PCDHGA1: variants seen among roughly 807,000 people sequenced by gnomAD.
The protein encoded by PCDHGA1 is protocadherin gamma-A1.
A neutral mutation model predicts 58.0 loss-of-function variants in PCDHGA1; 32 were observed. The observed-to-expected ratio is 0.55, with a 90% CI of 0.42 to 0.74. The LOEUF (loss-of-function observed/expected upper bound fraction) is 0.74, where lower values mean the gene tolerates loss of function less well. Among genes scored for constraint, PCDHGA1 ranks in the 30% least tolerant of loss-of-function variants. PCDHGA1 has a pLI of 0.00. For missense variants in PCDHGA1, 1,205 were observed against 1,182.3 expected, an observed-to-expected ratio of 1.02 and a Z score of -0.28; for synonymous variants, 498 against 501.1, an observed-to-expected ratio of 0.99 and a Z score of 0.08.
chr5:141,399,112 G>A, intron 1 of PCDHGA1: 1 of 1,613,794 alleles, frequency 6.2e-7, no homozygotes, highest in African/African-American at 1.3e-5. Context: ...ACAATGTACA[G>A]TTGAAATTAA....
chr5:141,497,187 G>T (rs1475463841), intron 2 of PCDHGA1, among the ~76,000 whole-genome samples: 2 of 139,586 alleles, frequency 1.4e-5, no homozygotes, highest in Non-Finnish European at 3.0e-5. Flanking sequence ...GTTCTGAGAG[G>T]CAGAGAACAA....
At chr5:141,345,626 G>C in intron 1 of PCDHGA1, 1 of 1,614,202 alleles carries the variant, frequency 6.2e-7, no homozygotes. Context: ...TAAAGCTACT[G>C]GTGACAGCCA....
At chr5:141,376,387 G>C (rs772638473) in intron 1 of PCDHGA1, 1 of 1,614,218 alleles carries the variant, frequency 6.2e-7, no homozygotes, top group Admixed American at 1.7e-5. Flanking sequence ...AGAGTCATCT[G>C]ATTTTCCCCC....
intron 1 of PCDHGA1, among the ~76,000 whole-genome samples, chr5:141,455,904 TTTATTTA>T: frequency 6.8e-6 from 1 of 147,982 alleles, no homozygotes. Flanking sequence ...TATTTATTTA[TTTATTTA>T]TTTTGAGACG....
chr5:141,341,749 G>T, intron 1 of PCDHGA1: 1 of 419,826 alleles, frequency 2.4e-6, no homozygotes, highest in Non-Finnish European at 4.2e-6. Flanking sequence ...AAAATATAAA[G>T]ATTGGAGTTT....
rs1258429378 is a variant in PCDHGA1 at position 141,346,461 on chromosome 5, A to G, written c.2421+13356A>G. 3 of 1,614,014 alleles carry G rather than the reference A, an allele frequency of 1.9e-6. No homozygotes were observed. In the Admixed American group the frequency reaches 5.0e-5, roughly 27 times the overall value. On this transcript the variant is annotated intron_variant, in intron 1 of 3. Coordinates refer to ENST00000517417, the MANE Select transcript of PCDHGA1 (RefSeq NM_018912.3). Reference sequence around the variant, plus strand: ...AGGAGATTCCAACCTACTTCAGGTGAGTTTATTTATTTCTTTGATTATTAA... The same window carrying G: ...AGGAGATTCCAACCTACTTCAGGTGGGTTTATTTATTTCTTTGATTATTAA...
intron 1 of PCDHGA1, chr5:141,411,753 A>G (rs1006054735): frequency 6.5e-5 from 10 of 152,756 alleles, no homozygotes; most frequent in African/African-American, 2.4e-4. Context: ...GTGGTGGCAC[A>G]TGCCTGTGGT....
At position 141,364,741 on chromosome 5, in the gene PCDHGA1, G is replaced by C. The variant is rs774257321; in HGVS notation, c.2421+31636G>C. 5.6e-6 allele frequency: 9 copies of C among 1,613,840 alleles called. No homozygotes were observed. In the Admixed American group the frequency reaches 1.5e-4, roughly 27 times the overall value. Reference sequence around the variant, plus strand: ...ACTTCCCGCGTTTCCGGGATGAAGAGTTAAAAGTAAAAGTTAATGAAAATG... The same window carrying C: ...ACTTCCCGCGTTTCCGGGATGAAGACTTAAAAGTAAAAGTTAATGAAAATG... On this transcript the variant is annotated intron_variant, in intron 1 of 3. Transcript: ENST00000517417.
rs766960483 is a variant in PCDHGA1 at position 141,331,008 on chromosome 5, C to A, written c.324C>A (p.Ile108=). 1 of 1,614,128 alleles carries A rather than the reference C, an allele frequency of 6.2e-7. No homozygotes were observed. Among genetic ancestry groups the A allele is most frequent in the Non-Finnish European group, 8.5e-7 (1 of 1,180,028 alleles). The change falls in exon 1 of 4, where the codon ATC becomes ATA. Residue 108 remains isoleucine, a synonymous_variant. Transcript: ENST00000517417. ...TGCCGTGTCTCGTGAGTTTTAATAT[C>A]CTTGTTGAGGATAAAATGAAGCTTT... ...QSMPCLVSFN[I]LVEDKMKLFP...
intron 1 of PCDHGA1, among the ~76,000 whole-genome samples, chr5:141,456,690 C>T (rs893478646): frequency 7.2e-5 from 11 of 152,218 alleles, no homozygotes; most frequent in Admixed American, 5.2e-4. Flanking sequence ...ACTGGCCAGG[C>T]GTGGTGGCTC....
At chr5:141,462,280 C>T (rs927977920) in intron 1 of PCDHGA1, among the ~76,000 whole-genome samples, 15 of 152,146 alleles carry the variant, frequency 9.9e-5, no homozygotes, top group African/African-American at 3.4e-4. Context: ...TGTTTAGTCA[C>T]CAAATATGTA....
In PCDHGA1 at chr5:141,476,908, A is replaced by G. The variant is rs754076231; in HGVS notation, c.2422-17899A>G. 6.2e-7 allele frequency: 1 copy of G among 1,614,050 alleles called. No individual in the cohort carries two copies. The highest frequency in any genetic ancestry group is 8.5e-7 in the Non-Finnish European group (1 of 1,180,038). On this transcript the variant is annotated intron_variant, in intron 1 of 3. Coordinates refer to ENST00000517417, the MANE Select transcript of PCDHGA1 (RefSeq NM_018912.3). This position sits in a 1 kb window ranked among gnomAD's most constrained non-coding sequence, Gnocchi z 7.6. ...ATGCACCCTCCGGCACGCGCGTGGT[A>G]CAAGTCCTTGCAACGGATCTGGATG...
At chr5:141,409,522 G>C in intron 1 of PCDHGA1, 4 of 1,613,992 alleles carry the variant, frequency 2.5e-6, no homozygotes, top group Non-Finnish European at 3.4e-6. Context: ...GCATCACCTT[G>C]TATGTCGCTG....
At chr5:141,374,028 G>A (rs1417226376) in intron 1 of PCDHGA1, 1 of 1,418,506 alleles carries the variant, frequency 7.0e-7, no homozygotes, top group Non-Finnish European at 9.3e-7. Context: ...GAGCAAAAGT[G>A]ATGCAGATCT....
At position 141,343,166 on chromosome 5, in the gene PCDHGA1, T is replaced by C. The variant is rs566601579; in HGVS notation, c.2421+10061T>C. On this transcript the variant is annotated intron_variant, in intron 1 of 3. Coordinates refer to ENST00000517417, the MANE Select transcript of PCDHGA1 (RefSeq NM_018912.3). The stretch of plus-strand genomic sequence containing the variant: ...GAAGGAAGCTACTGTGTCTATATTG[T>C]TCACCTTAAATCCCCAAACATATTG... 1.2e-4 allele frequency: 44 copies of C among 373,938 alleles called. No homozygotes were observed. The South Asian group carries it at 2.4e-3, about 21-fold the overall frequency. The allele number at this position is 373,938 out of a possible 1,614,324, so 23.2% of individuals were successfully genotyped here.
At chr5:141,500,223 T>TTG (rs1227708024) in intron 2 of PCDHGA1, among the ~76,000 whole-genome samples, 1 of 145,320 alleles carries the variant, frequency 6.9e-6, no homozygotes, top group Non-Finnish European at 1.5e-5. Flanking sequence ...TTTATTTATT[T>TTG]ATTGATACGT....
At chr5:141,399,805 T>C (rs776266997) in intron 1 of PCDHGA1, 26 of 1,613,074 alleles carry the variant, frequency 1.6e-5, no homozygotes, top group Non-Finnish European at 8.5e-7. Flanking sequence ...GCGGGTGCTG[T>C]ACCCCGCGCT....
intron 1 of PCDHGA1, chr5:141,351,569 CACATCTCCG>C: frequency 6.2e-7 from 1 of 1,614,062 alleles, no homozygotes; most frequent in Non-Finnish European, 8.5e-7. Flanking sequence ...CATCACCCTG[CACATCTCCG>C]ACATCAACGA....
In PCDHGA1 at chr5:141,399,495, T is replaced by G. The variant is rs779594817; in HGVS notation, c.2421+66390T>G. On this transcript the variant is annotated intron_variant, in intron 1 of 3. Transcript: ENST00000517417. ...TCCACCAGGCGTCCTACTTAGTCAGTGTACCCGAAAACAACCCTCCTGGGG... is the reference window on the plus strand; with the variant it reads ...TCCACCAGGCGTCCTACTTAGTCAGGGTACCCGAAAACAACCCTCCTGGGG... 1.1e-5 allele frequency: 18 copies of G among 1,613,916 alleles called. No individual in the cohort carries two copies. Among genetic ancestry groups the G allele is most frequent in the Non-Finnish European group, 1.5e-5 (18 of 1,179,912 alleles).
Sources: gnomAD v4.1 joint callset for allele counts (sites outside exome capture counted in the v4.1 genomes callset) on GRCh38, gnomAD v4.1.1 for gene constraint, Gnocchi (gnomAD v3.1) non-coding constraint, MANE v1.5 for transcripts, NCBI Gene and HGNC (gene_info 2026-07-23, HGNC 2026-07-21) for gene names.